Variants in PXDNL observed in about 807,000 individuals in gnomAD.
The protein encoded by PXDNL is probable oxidoreductase PXDNL.
In PXDNL, 145 loss-of-function variants were observed where a neutral mutation model predicts 150.8. The observed-to-expected ratio is 0.96, with a 90% confidence interval of 0.84 to 1.10. The LOEUF is 1.10. PXDNL is among the 50% of genes least tolerant of loss of function. The pLI is 0.00. For synonymous variants in PXDNL, 757 were observed against 725.7 expected, an observed-to-expected ratio of 1.04 and a Z score of -0.69; for missense variants, 2,087 against 1,873.9, an observed-to-expected ratio of 1.11 and a Z score of -2.10.
chr8:51,497,431 A>G (rs185049495), intron 5 of PXDNL, among the ~76,000 whole-genome samples: 13 of 152,342 alleles, frequency 8.5e-5, no homozygotes, highest in Admixed American at 7.2e-4. Flanking sequence ...AAAATTGACA[A>G]ACAGGATCTA....
intron 1 of PXDNL, among the ~76,000 whole-genome samples, chr8:51,712,036 T>C (rs1816512904): frequency 6.6e-6 from 1 of 152,122 alleles, no homozygotes; most frequent in Non-Finnish European, 1.5e-5. Context: ...TGACTAAAAC[T>C]AGGGGTTTAA....
intron 4 of PXDNL, among the ~76,000 whole-genome samples, chr8:51,518,505 T>C (rs1024376682): frequency 6.6e-6 from 1 of 152,232 alleles, no homozygotes; most frequent in Non-Finnish European, 1.5e-5. Flanking sequence ...GAGATCACTA[T>C]GGACTGAAGT....
intron 1 of PXDNL, among the ~76,000 whole-genome samples, chr8:51,725,348 T>G (rs1816802317): frequency 6.6e-6 from 1 of 152,208 alleles, no homozygotes; most frequent in South Asian, 2.1e-4. Flanking sequence ...ATAAGAGCAT[T>G]AGAAATAAAA....
chr8:51,591,378 G>A lies in PXDNL; in HGVS notation c.308+1249C>T, dbSNP rs143218206. ...AAACTTTAGGACTCAGTAATTAGCAGAGCTGTGGGAGACCTCTATGTTAGG... is the reference window on the plus strand; with the variant it reads ...AAACTTTAGGACTCAGTAATTAGCAAAGCTGTGGGAGACCTCTATGTTAGG... On this transcript the variant is annotated intron_variant, in intron 3 of 22. Coordinates refer to ENST00000356297, the MANE Select transcript of PXDNL (RefSeq NM_144651.5). Among the ~76,000 whole-genome samples the A allele has an allele frequency of 6.6e-3, 1,002 of 152,262 alleles. 6 individuals are homozygous for A. Among genetic ancestry groups the A allele is most frequent in the Admixed American group, 0.013 (192 of 15,300 alleles).
intron 4 of PXDNL, among the ~76,000 whole-genome samples, chr8:51,515,042 A>G (rs1264684472): frequency 1.3e-5 from 2 of 152,218 alleles, no homozygotes; most frequent in Non-Finnish European, 2.9e-5. Context: ...CACTAGATGC[A>G]AACAGCAGCG....
intron 4 of PXDNL, among the ~76,000 whole-genome samples, chr8:51,524,303 G>A (rs1811724509): frequency 6.6e-6 from 1 of 152,146 alleles, no homozygotes; most frequent in African/African-American, 2.4e-5. Context: ...ACAATAAATA[G>A]TAGATCTTAT....
chr8:51,671,661 C>T (rs1195972570), intron 1 of PXDNL, among the ~76,000 whole-genome samples: 2 of 152,202 alleles, frequency 1.3e-5, no homozygotes, highest in Admixed American at 6.5e-5. Flanking sequence ...CAGACTGCTC[C>T]CCCAGGACTG....
intron 5 of PXDNL, among the ~76,000 whole-genome samples, chr8:51,491,991 ATG>A (rs1198926841): frequency 2.0e-5 from 3 of 148,056 alleles, no homozygotes; most frequent in African/African-American, 8.0e-5. Flanking sequence ...TCATGATCAC[ATG>A]TCTCCAGCAC....
intron 17 of PXDNL, among the ~76,000 whole-genome samples, chr8:51,390,653 G>A (rs976042157): frequency 3.9e-5 from 6 of 152,008 alleles, no homozygotes; most frequent in Admixed American, 3.3e-4. Flanking sequence ...AAGAAGTGAT[G>A]TGGATTCAGG....
intron 1 of PXDNL, among the ~76,000 whole-genome samples, chr8:51,662,170 TC>T (rs1263821768): frequency 6.6e-6 from 1 of 152,192 alleles, no homozygotes; most frequent in Non-Finnish European, 1.5e-5. Flanking sequence ...TTCCTTATTT[TC>T]GGGTCTGCAG....
chr8:51,562,476 C>G (rs1198025452), intron 3 of PXDNL, among the ~76,000 whole-genome samples: 1 of 151,926 alleles, frequency 6.6e-6, no homozygotes, highest in Non-Finnish European at 1.5e-5. Context: ...TTTTAAGTCT[C>G]ACATAGCTAT....
intron 1 of PXDNL, among the ~76,000 whole-genome samples, chr8:51,661,847 CT>C (rs5891426): frequency 0.13 from 17,905 of 140,446 alleles, 1,721 homozygotes; most frequent in African/African-American, 0.28. Flanking sequence ...TCTTTCTTTT[CT>C]TTTTTTTTTT....
chr8:51,637,469 T>A (rs965587129), intron 2 of PXDNL, among the ~76,000 whole-genome samples: 9 of 152,126 alleles, frequency 5.9e-5, no homozygotes, highest in African/African-American at 1.9e-4. Flanking sequence ...ATTAGACGAA[T>A]GGCTAACTAG....
At chr8:51,572,351 T>C (rs1168685679) in intron 3 of PXDNL, among the ~76,000 whole-genome samples, 1 of 151,890 alleles carries the variant, frequency 6.6e-6, no homozygotes, top group East Asian at 1.9e-4. Flanking sequence ...AAGCAAAATA[T>C]AGTATATCTG....
intron 14 of PXDNL, among the ~76,000 whole-genome samples, chr8:51,419,719 A>C (rs938595757): frequency 6.6e-6 from 1 of 152,240 alleles, no homozygotes; most frequent in African/African-American, 2.4e-5. Context: ...GTGTTACAGT[A>C]AGTTATTATT....
intron 1 of PXDNL, among the ~76,000 whole-genome samples, chr8:51,758,382 A>G (rs939560274): frequency 1.3e-5 from 2 of 152,224 alleles, no homozygotes; most frequent in Non-Finnish European, 2.9e-5. Flanking sequence ...TCATAAAGAA[A>G]TGCAAGGAAA....
At chr8:51,602,889 G>A (rs1025487112) in intron 2 of PXDNL, among the ~76,000 whole-genome samples, 6 of 149,436 alleles carry the variant, frequency 4.0e-5, no homozygotes, top group Non-Finnish European at 7.4e-5. Flanking sequence ...TTTTCTTTAT[G>A]GCTTTGGATT....
chr8:51,682,813 A>T (rs960698102), intron 1 of PXDNL, among the ~76,000 whole-genome samples: 4 of 151,990 alleles, frequency 2.6e-5, no homozygotes, highest in Non-Finnish European at 4.4e-5. Flanking sequence ...GGTTATCAGC[A>T]TTTCCCGAAG....
chr8:51,674,584 T>A (rs532858309), intron 1 of PXDNL, among the ~76,000 whole-genome samples: 3 of 152,292 alleles, frequency 2.0e-5, no homozygotes, highest in Non-Finnish European at 2.9e-5. Flanking sequence ...ATATCATGAG[T>A]TTAGCCTGGA....
Sources: gnomAD v4.1 joint callset for allele counts (sites outside exome capture counted in the v4.1 genomes callset) on GRCh38, gnomAD v4.1.1 for gene constraint, MANE v1.5 for transcripts, NCBI Gene and HGNC (gene_info 2026-07-23, HGNC 2026-07-21) for gene names.